The following HNRNPF variants were observed in gnomAD, a reference collection of about 807,000 sequenced individuals.
HNRNPF encodes HnRNP F protein.
HNRNPF carries 2 observed loss-of-function variants against 26.0 expected under a neutral mutation model. The observed-to-expected ratio is 0.08, with a 90% CI of 0.03 to 0.24. The LOEUF (loss-of-function observed/expected upper bound fraction) is 0.24. Ranked by LOEUF, HNRNPF falls within the 10% of genes least tolerant of loss-of-function variation. The pLI, the probability that HNRNPF is intolerant of heterozygous loss-of-function variation, is 1.00. For synonymous variants in HNRNPF, 234 were observed against 211.5 expected (o/e 1.11, Z -0.92); for missense variants, 299 against 539.2 (o/e 0.55, Z 4.41).
chr10:43,394,528 T>C (rs924266110), intron 3 of HNRNPF, 102 bp downstream of exon 3: 8 of 152,200 alleles, frequency 5.3e-5, no homozygotes, highest in African/African-American at 1.9e-4. Flanking sequence ...TCAAGGTTAA[T>C]GTTAGGGACA....
intron 3 of HNRNPF, among the ~76,000 whole-genome samples, chr10:43,390,451 G>T (rs2131964763): frequency 1.3e-5 from 2 of 152,118 alleles, no homozygotes; most frequent in African/African-American, 4.8e-5. Context: ...ATTTTCTCCT[G>T]GACTCCTACC....
chr10:43,386,516 A>T lies in HNRNPF; in HGVS notation c.*121T>A. The T allele has an allele frequency of 1.0e-6, 1 of 987,854 alleles. No homozygotes were observed. Among genetic ancestry groups the T allele is most frequent in the Non-Finnish European group, 1.4e-6 (1 of 699,476 alleles). 61.2% of individuals were successfully genotyped at this position (987,854 alleles called of 1,614,324 possible). A position where few individuals can be genotyped will look rare whatever the true frequency, so the allele number is the denominator to read the frequency against. On this transcript the variant is annotated 3_prime_UTR_variant, in exon 4 of 4. Coordinates refer to ENST00000682386, the MANE Select transcript of HNRNPF (RefSeq NM_001098204.2). ...CACTGAAGAGGTAATTTTTTAATCC[A>T]GATTTTTCACAAACTCATGGTGCAA... is the stretch of plus-strand genomic sequence containing the variant.
chr10:43,401,943 T>C (rs150323061), intron 1 of HNRNPF, among the ~76,000 whole-genome samples: 125 of 152,084 alleles, frequency 8.2e-4, no homozygotes, highest in African/African-American at 2.8e-3. Flanking sequence ...CTTGGGGGAA[T>C]TGTGCAGAAC....
rs542300433 is a variant in HNRNPF, at chr10:43,408,936, C to T, written c.-247+195G>A. 5.7e-4 allele frequency: 87 copies of T among 152,498 alleles called. 3 individuals carry two copies. The highest frequency in any genetic ancestry group is 1.8e-3 in the African/African-American group (75 of 41,592). The allele number at this position is 152,498 out of a possible 1,614,324, so 9.4% of individuals were successfully genotyped here. A position where few individuals can be genotyped will look rare whatever the true frequency, so the allele number is the denominator to read the frequency against. On this transcript the variant is annotated intron_variant, in intron 1 of 3. Transcript: ENST00000682386. ...CAGGCGCGCTGCCGGCCCCAATCCT[C>T]AGCGCCTGCCCGTCGAGCGCACGCG...
intron 1 of HNRNPF, among the ~76,000 whole-genome samples, chr10:43,404,584 G>T (rs1350480679): frequency 6.6e-6 from 1 of 151,784 alleles, no homozygotes; most frequent in African/African-American, 2.4e-5. Flanking sequence ...CAGACTGGGT[G>T]CGGTGGCTCA....
At position 43,387,951 on chromosome 10, in the gene HNRNPF, A is replaced by G. The variant is rs1271739430; in HGVS notation, c.-52-15T>C. 1.4e-6 allele frequency: 2 copies of G among 1,384,140 alleles called. No homozygotes were observed. Among genetic ancestry groups the G allele is most frequent in the African/African-American group, 1.5e-5 (1 of 67,942 alleles). 85.7% of individuals were successfully genotyped at this position (1,384,140 alleles called of 1,614,324 possible). On this transcript the variant is annotated splice_polypyrimidine_tract_variant and intron_variant, in intron 3 of 3. Transcript: ENST00000682386. The surrounding 1 kb of genome is among the most constrained non-coding windows in gnomAD (Gnocchi z 6.0). ...CTTTTTTGTGGCTGGAAAAAAAAAA[A>G]AGAAAAATTTATTTAGTATGCAACA...
intron 3 of HNRNPF, among the ~76,000 whole-genome samples, chr10:43,392,076 TC>T (rs1431543490): frequency 1.3e-5 from 2 of 152,034 alleles, no homozygotes; most frequent in Non-Finnish European, 2.9e-5. Context: ...AAATCCCGCC[TC>T]TACCAAAAAT....
At position 43,386,488 on chromosome 10, in the gene HNRNPF, A is replaced by G; in HGVS notation, c.*149T>C. On this transcript the variant is annotated 3_prime_UTR_variant, in exon 4 of 4. Transcript: ENST00000682386. ...TGCTAGAAGAAAATTTTGCATGAGA[A>G]AACACTGAAGAGGTAATTTTTTAAT... 1 of 722,982 alleles carries G rather than the reference A, an allele frequency of 1.4e-6. No homozygotes were observed. Among genetic ancestry groups the G allele is most frequent in the East Asian group, 2.7e-5 (1 of 37,494 alleles). 44.8% of individuals were successfully genotyped at this position (722,982 alleles called of 1,614,324 possible).
chr10:43,393,299 A>G (rs570775809), intron 3 of HNRNPF, among the ~76,000 whole-genome samples: 18 of 152,334 alleles, frequency 1.2e-4, no homozygotes, highest in Admixed American at 6.5e-4. Flanking sequence ...TATCTTTTAA[A>G]TAAGTCCAAG....
At chr10:43,392,355 A>G (rs1242043930) in intron 3 of HNRNPF, among the ~76,000 whole-genome samples, 1 of 152,186 alleles carries the variant, frequency 6.6e-6, no homozygotes, top group Non-Finnish European at 1.5e-5. Flanking sequence ...CCTGGCTAAC[A>G]TGGTGAAACC....
At chr10:43,397,870 T>C (rs143569629) in intron 1 of HNRNPF, among the ~76,000 whole-genome samples, 6 of 152,350 alleles carry the variant, frequency 3.9e-5, no homozygotes, top group African/African-American at 9.6e-5. Context: ...TTGCAGATGA[T>C]ACCTGATTTC....
chr10:43,393,559 G>A (rs1005598560), intron 3 of HNRNPF, among the ~76,000 whole-genome samples: 1 of 151,450 alleles, frequency 6.6e-6, no homozygotes, highest in Non-Finnish European at 1.5e-5. Context: ...TCGCGTCACT[G>A]CACTCCAGCC....
chr10:43,390,679 G>A (rs1035442257), intron 3 of HNRNPF, among the ~76,000 whole-genome samples: 3 of 151,946 alleles, frequency 2.0e-5, no homozygotes, highest in East Asian at 1.9e-4. Flanking sequence ...TTAACTGTAC[G>A]CGCCCAGTAA....
chr10:43,405,837 C>T (rs11238537), intron 1 of HNRNPF, among the ~76,000 whole-genome samples: 46,577 of 151,882 alleles, frequency 0.31, 8,131 homozygotes, highest in Admixed American at 0.41. Context: ...TAAGCCAGGG[C>T]GGTCTTGGCT....
chr10:43,392,520 C>G (rs1838294339), intron 3 of HNRNPF, among the ~76,000 whole-genome samples: 1 of 152,218 alleles, frequency 6.6e-6, no homozygotes, highest in Non-Finnish European at 1.5e-5. Flanking sequence ...GCCTAGGCGA[C>G]AGAGACTCGT....
intron 3 of HNRNPF, among the ~76,000 whole-genome samples, chr10:43,391,665 A>C (rs1838253969): frequency 7.6e-6 from 1 of 131,006 alleles, no homozygotes; most frequent in Non-Finnish European, 1.5e-5. Flanking sequence ...GTCAAGTCAG[A>C]GTCCAGGAGT....
chr10:43,386,817 A>G lies in HNRNPF; in HGVS notation c.1068T>C (p.Tyr356=), dbSNP rs199937471. The change falls in exon 4 of 4, where the codon TAT becomes TAC. Residue 356 remains tyrosine, a synonymous_variant. Coordinates refer to ENST00000682386, the MANE Select transcript of HNRNPF (RefSeq NM_001098204.2). The part of the protein sequence containing the change: ...SKDRANMQHR[Y]IELFLNSTTG... ...TTGTTGAATTCAAGAAGAGTTCTAT[A>G]TATCTGTGCTGCATATTGGCCCTGT... is the stretch of plus-strand genomic sequence containing the variant. The G allele has an allele frequency of 4.2e-5, 67 of 1,614,092 alleles. No individual in the cohort carries two copies. In the East Asian group the frequency reaches 5.6e-4, roughly 13 times the overall value.
intron 1 of HNRNPF, chr10:43,407,793 G>T (rs889751751): frequency 2.0e-5 from 3 of 152,238 alleles, no homozygotes; most frequent in Admixed American, 1.3e-4. Flanking sequence ...AAGGGCCCGG[G>T]GCCGAGAGCT....
chr10:43,398,531 CAG>C (rs1837783457), intron 1 of HNRNPF, among the ~76,000 whole-genome samples: 1 of 151,234 alleles, frequency 6.6e-6, no homozygotes, highest in South Asian at 2.1e-4. Context: ...TTAGTAGAGA[CAG>C]GGTTTCACCA....
Sources: allele counts gnomAD v4.1 joint callset (sites outside exome capture counted in the v4.1 genomes callset), GRCh38; gene constraint gnomAD v4.1.1; non-coding constraint Gnocchi (gnomAD v3.1); transcripts MANE v1.5; gene names NCBI Gene and HGNC (gene_info 2026-07-23, HGNC 2026-07-21).